PRDM16: variants seen among roughly 807,000 people sequenced by gnomAD.
PRDM16 encodes the protein PR/SET domain 16, also known as histone-lysine N-methyltransferase PRDM16.
A neutral mutation model predicts 110.6 loss-of-function variants in PRDM16; 23 were observed. That is an observed-to-expected ratio of 0.21 (90% CI 0.15 to 0.29). PRDM16 has a LOEUF of 0.29. Among genes scored for constraint, PRDM16 ranks in the 10% least tolerant of loss-of-function variants. The probability of loss-of-function intolerance (pLI) is 1.00; values close to 1 mark genes in which losing one functional copy is unlikely to be tolerated. For missense variants in PRDM16, 1,615 were observed against 1,794.3 expected, an observed-to-expected ratio of 0.90 and a Z score of 1.81; for synonymous variants, 799 against 781.8, an observed-to-expected ratio of 1.02 and a Z score of -0.37.
At chr1:3,336,612 GTC>G (rs1429135457) in intron 3 of PRDM16, among the ~76,000 whole-genome samples, 1 of 151,430 alleles carries the variant, frequency 6.6e-6, no homozygotes, top group Non-Finnish European at 1.5e-5. Context: ...GTTGGTGTGA[GTC>G]TGTGAGTGCA....
At chr1:3,346,243 G>A (rs762230689) in intron 3 of PRDM16, among the ~76,000 whole-genome samples, 2 of 152,210 alleles carry the variant, frequency 1.3e-5, no homozygotes, top group African/African-American at 2.4e-5. Context: ...CCTGCCCCAC[G>A]GCGGTGAGCG....
At chr1:3,336,053 T>C (rs1423053973) in intron 3 of PRDM16, among the ~76,000 whole-genome samples, 1 of 152,204 alleles carries the variant, frequency 6.6e-6, no homozygotes, top group Non-Finnish European at 1.5e-5. Context: ...TCGCTGACGC[T>C]GATGTGCAGA....
intron 2 of PRDM16, among the ~76,000 whole-genome samples, chr1:3,199,984 C>T (rs978147204): frequency 2.1e-4 from 32 of 152,394 alleles, no homozygotes; most frequent in African/African-American, 7.7e-4. Context: ...AGGCTACAGG[C>T]CTCCCAGGGT....
Position 3,435,142 on chromosome 1 carries a change from G to A in PRDM16, c.*1331G>A, listed in dbSNP as rs918402022. On this transcript the variant is annotated 3_prime_UTR_variant, in exon 17 of 17. Transcript: ENST00000270722. ...TTGGGACGCAACTTCTTCCCCACTC[G>A]GATGGGCTTTAAATTATTCCCATAG... 4 of 226,206 alleles carry A rather than the reference G, an allele frequency of 1.8e-5. No homozygotes were observed. Among genetic ancestry groups the A allele is most frequent in the Admixed American group, 1.1e-4 (2 of 17,528 alleles). 14.0% of individuals were successfully genotyped at this position (226,206 alleles called of 1,614,324 possible). A position where few individuals can be genotyped will look rare whatever the true frequency, so the allele number is the denominator to read the frequency against.
chr1:3,367,947 T>C (rs1642844357), intron 3 of PRDM16, among the ~76,000 whole-genome samples: 1 of 152,184 alleles, frequency 6.6e-6, no homozygotes, highest in Non-Finnish European at 1.5e-5. Context: ...AGAGGAAGAC[T>C]AAACAAAAGC....
At chr1:3,410,840 C>T (rs544706353) in intron 8 of PRDM16, among the ~76,000 whole-genome samples, 23 of 152,296 alleles carry the variant, frequency 1.5e-4, no homozygotes, top group East Asian at 7.7e-4. Flanking sequence ...TCGCTTTCCC[C>T]GTGCCCCGCC....
Position 3,245,621 on chromosome 1 carries a change from G to A in PRDM16, c.438+1484G>A, listed in dbSNP as rs1319090372. 1.3e-5 allele frequency among the ~76,000 whole-genome samples: 2 copies of A among 152,170 alleles called. No homozygotes were observed. Among genetic ancestry groups the A allele is most frequent in the African/African-American group, 2.4e-5 (1 of 41,436 alleles). On this transcript the variant is annotated intron_variant, in intron 3 of 16. Coordinates refer to ENST00000270722, the MANE Select transcript of PRDM16 (RefSeq NM_022114.4). This position sits in a 1 kb window ranked among gnomAD's most constrained non-coding sequence, Gnocchi z 4.7. ...GGCTCTCAGTCCCCGCCGTCCACAG[G>A]ATGCCTGAGGTCTTCCTGCACCCAC...
chr1:3,409,988 G>A (rs1450980178), intron 8 of PRDM16, among the ~76,000 whole-genome samples: 1 of 111,756 alleles, frequency 8.9e-6, no homozygotes, highest in African/African-American at 3.4e-5. Flanking sequence ...TTTGCATGGG[G>A]GGGTGTGGGG....
chr1:3,134,042 T>C (rs1643387303), intron 1 of PRDM16, among the ~76,000 whole-genome samples: 1 of 152,076 alleles, frequency 6.6e-6, no homozygotes, highest in Non-Finnish European at 1.5e-5. Context: ...GCGCGTCCAG[T>C]TCAGGGAGCG....
At position 3,244,413 on chromosome 1, in the gene PRDM16, T is replaced by G. The variant is rs1369182557; in HGVS notation, c.438+276T>G. On this transcript the variant is annotated intron_variant, in intron 3 of 16. Coordinates refer to ENST00000270722, the MANE Select transcript of PRDM16 (RefSeq NM_022114.4). The surrounding 1 kb of genome is among the most constrained non-coding windows in gnomAD (Gnocchi z 4.1). The stretch of plus-strand genomic sequence containing the variant: ...AACTCCCGAGAGTGGAGGAGAGCCC[T>G]GTACCTGTGGGAAAGCTTCAGGCCA... Among the ~76,000 whole-genome samples, 1 of 152,076 alleles carries G rather than the reference T, an allele frequency of 6.6e-6. No individual in the cohort carries two copies.
At chr1:3,407,573 C>T (rs574420071) in intron 8 of PRDM16, among the ~76,000 whole-genome samples, 7 of 152,310 alleles carry the variant, frequency 4.6e-5, no homozygotes, top group South Asian at 2.1e-4. Flanking sequence ...CCAGTGAGAG[C>T]GGCACCAGTT....
chr1:3,372,025 T>A lies in PRDM16; in HGVS notation c.439-13127T>A, dbSNP rs140627686. ...TCTGAGCTGCTCCCGCTCAAATGTG[T>A]CTGGTCCTCCTAAGGTCCATCTGGA... On this transcript the variant is annotated intron_variant, in intron 3 of 16. Transcript: ENST00000270722. Among the ~76,000 whole-genome samples the A allele has an allele frequency of 3.5e-4, 53 of 152,360 alleles. 1 individual carries two copies. The East Asian group carries it at 0.01, about 29-fold the overall frequency.
chr1:3,294,178 G>A (rs891998156), intron 3 of PRDM16, among the ~76,000 whole-genome samples: 2 of 151,238 alleles, frequency 1.3e-5, no homozygotes, highest in Admixed American at 6.6e-5. Context: ...GTAAACAGGC[G>A]AAACCTAGAA....
chr1:3,217,065 C>T lies in PRDM16; in HGVS notation c.388-27022C>T, dbSNP rs80187935. On this transcript the variant is annotated intron_variant, in intron 2 of 16. Transcript: ENST00000270722. The stretch of plus-strand genomic sequence containing the variant: ...GGCACCCTCTGTGTGGATAGAAGCA[C>T]GCTTTCTGTGTGGTGTTTTCCTCCA... Among the ~76,000 whole-genome samples, 404 of 152,362 alleles carry T rather than the reference C, an allele frequency of 2.7e-3. 7 individuals carry two copies. The East Asian group carries it at 0.039, about 15-fold the overall frequency.
At chr1:3,402,483 C>T (rs1444864282) in intron 5 of PRDM16, among the ~76,000 whole-genome samples, 1 of 152,256 alleles carries the variant, frequency 6.6e-6, no homozygotes, top group African/African-American at 2.4e-5. Flanking sequence ...CGAGCGGGGC[C>T]TTCTCCAGCC....
At chr1:3,372,960 G>A (rs12135987) in intron 3 of PRDM16, among the ~76,000 whole-genome samples, 48,298 of 152,094 alleles carry the variant, frequency 0.32, 8,998 homozygotes, top group East Asian at 0.65. Context: ...ACCAGCTAGC[G>A]GGGTTTGGGG....
chr1:3,317,648 A>C (rs1641642600), intron 3 of PRDM16, among the ~76,000 whole-genome samples: 1 of 152,222 alleles, frequency 6.6e-6, no homozygotes, highest in African/African-American at 2.4e-5. Context: ...CCTGGCCTCC[A>C]GACACAACCG....
chr1:3,134,476 G>C (rs12731315), intron 1 of PRDM16, among the ~76,000 whole-genome samples: 19,857 of 152,146 alleles, frequency 0.13, 1,737 homozygotes, highest in East Asian at 0.24. Flanking sequence ...ACCCCCTCCT[G>C]CCCTCCCCTC....
rs1286523699 is a variant in PRDM16, at chr1:3,390,528, C to G, written c.573+5242C>G. Among the ~76,000 whole-genome samples, 3 of 152,202 alleles carry G rather than the reference C, an allele frequency of 2.0e-5. No homozygotes were observed. The highest frequency in any genetic ancestry group is 4.4e-5 in the Non-Finnish European group (3 of 68,036). ...TCCCGGCGCCCGCCGTGGAGCAGCA[C>G]AGCCCCTCCACAGAGTGTTCCGCGC... is the stretch of plus-strand genomic sequence containing the variant. On this transcript the variant is annotated intron_variant, in intron 4 of 16. Transcript: ENST00000270722. The surrounding 1 kb of genome is among the most constrained non-coding windows in gnomAD (Gnocchi z 5.0).
Sources: gnomAD v4.1 joint callset for allele counts (sites outside exome capture counted in the v4.1 genomes callset) on GRCh38, gnomAD v4.1.1 for gene constraint, Gnocchi (gnomAD v3.1) non-coding constraint, MANE v1.5 for transcripts, NCBI Gene and HGNC (gene_info 2026-07-23, HGNC 2026-07-21) for gene names.